The following KLC3 variants were observed in gnomAD, a reference collection of about 807,000 sequenced individuals.
KLC3 encodes kinesin light chain 2.
In KLC3, 72 loss-of-function variants were observed where a neutral mutation model predicts 62.9. The observed-to-expected ratio is 1.15, with a 90% CI of 0.95 to 1.39. The LOEUF is 1.39. Ranked by LOEUF, KLC3 falls within the 40% of genes most tolerant of loss-of-function variation. The pLI is 0.00. For synonymous variants in KLC3, 377 were observed against 300.5 expected (o/e 1.25, Z -2.63); for missense variants, 848 against 691.6 (o/e 1.23, Z -2.54).
In KLC3 at chr19:45,348,052, A is replaced by C. The variant is rs1380532612; in HGVS notation, c.671A>C (p.Glu224Ala). The C allele has an allele frequency of 6.2e-7, 1 of 1,604,120 alleles. No homozygotes were observed. The highest frequency in any genetic ancestry group is 8.5e-7 in the Non-Finnish European group (1 of 1,175,596). Residue 224 changes from glutamate (E) to alanine (A), a missense_variant, in exon 5 of 13, where the codon GAG (glutamate) becomes GCG (alanine). Glu to Ala is a moderately radical substitution (Grantham distance 107). Coordinates refer to ENST00000391946, the MANE Select transcript of KLC3 (RefSeq NM_177417.3). The part of the protein sequence containing the change: ...VIQYAGQGRY[E>A]VAVPLCRQAL... ...CAGTACGCGGGGCAGGGCCGCTATG[A>C]GGTGGCGGTGCCTCTGTGCCGCCAG...
At chr19:45,349,684 GCAAC>G in intron 8 of KLC3, 82 bp downstream of exon 8, 1 of 1,223,684 alleles carries the variant, frequency 8.2e-7, no homozygotes. Context: ...TACAGGGTGA[GCAAC>G]GTGAGGGTGG....
At chr19:45,347,799 C>T (rs1217106394) in intron 4 of KLC3, 142 bp from the exon 5 acceptor site, 1 of 726,258 alleles carries the variant, frequency 1.4e-6, no homozygotes, top group East Asian at 2.7e-5. Context: ...GCTAGTGACT[C>T]CTATCTCAGA....
Position 45,350,530 on chromosome 19 carries a change from C to T in KLC3, c.1251C>T (p.Gly417=), listed in dbSNP as rs771500038. The T allele has an allele frequency of 1.1e-5, 17 of 1,613,858 alleles. No individual in the cohort carries two copies. Among genetic ancestry groups the T allele is most frequent in the Middle Eastern group, 3.3e-4 (2 of 6,084 alleles). Residue 417 remains glycine, a synonymous_variant, in exon 10 of 13, where the codon GGC becomes GGT. Coordinates refer to ENST00000391946, the MANE Select transcript of KLC3 (RefSeq NM_177417.3). ...TCCCCCTAGGTGCCCCCAACACAGGCACAGCTGGTGACGCAGAACAGGTGA... is the reference window on the plus strand; with the variant it reads ...TCCCCCTAGGTGCCCCCAACACAGGTACAGCTGGTGACGCAGAACAGGTGA... ...LPAPLGAPNT[G]TAGDAEQALR...
chr19:45,341,578 T>TGTGTGTGCACGCGCGC, intron 1 of KLC3, among the ~76,000 whole-genome samples: 2 of 139,800 alleles, frequency 1.4e-5, no homozygotes, highest in Non-Finnish European at 3.1e-5. Flanking sequence ...TGTGTGTGTG[T>TGTGTGTGCACGCGCGC]GCGCGCGCGC....
At chr19:45,349,265 GT>G (rs1187379483) in intron 7 of KLC3, among the ~76,000 whole-genome samples, 163 bp from the exon 8 acceptor site, 7 of 151,968 alleles carry the variant, frequency 4.6e-5, no homozygotes, top group Non-Finnish European at 8.8e-5. Flanking sequence ...TCTGACCTTG[GT>G]AATCCCGTTA....
chr19:45,350,303 G>A (rs1971667880), intron 8 of KLC3, 38 bp from the exon 9 acceptor site: 3 of 1,530,320 alleles, frequency 2.0e-6, no homozygotes, highest in Non-Finnish European at 2.7e-6. Flanking sequence ...GTTGGGAACT[G>A]GGGTCCGAAA....
intron 2 of KLC3, 32 bp from the exon 3 acceptor site, chr19:45,346,512 C>G: frequency 6.7e-7 from 1 of 1,497,218 alleles, no homozygotes; most frequent in Non-Finnish European, 8.9e-7. Flanking sequence ...GGGCAGGAAC[C>G]AACCTCGACT....
intron 10 of KLC3, 43 bp from the exon 11 acceptor site, chr19:45,350,598 C>T (rs1568527518): frequency 6.2e-6 from 10 of 1,613,540 alleles, no homozygotes; most frequent in Non-Finnish European, 8.5e-6. Context: ...GTGGGGACTG[C>T]ATGGGCCTGG....
At chr19:45,350,072 C>G (rs1048716926) in intron 8 of KLC3, 14 of 494,556 alleles carry the variant, frequency 2.8e-5, no homozygotes, top group African/African-American at 1.2e-4. Flanking sequence ...AGCTCCAAAC[C>G]CACTCTGCCC....
chr19:45,346,874 T>C, intron 3 of KLC3, 100 bp downstream of exon 3: 1 of 1,160,118 alleles, frequency 8.6e-7, no homozygotes, highest in Non-Finnish European at 1.2e-6. Context: ...AGATCCTCCT[T>C]AGAATCCCAC....
rs1356642677 is a variant in KLC3, at chr19:45,350,976, A to C, written c.1402A>C (p.Asn468His). The C allele has an allele frequency of 6.2e-7, 1 of 1,614,094 alleles. No homozygotes were observed. The highest frequency in any genetic ancestry group is 8.5e-7 in the Non-Finnish European group (1 of 1,180,018). ...AAGMKRAMSL[N>H]TLNVDAPRAP... The stretch of plus-strand genomic sequence containing the variant: ...CAGAATGAAGAGAGCCATGTCACTC[A>C]ACACACTGAACGTGGATGCTCCAAG... The change falls in exon 12 of 13, where the codon AAC (asparagine) becomes CAC (histidine). Residue 468 changes from asparagine to histidine, a missense_variant. By Grantham distance (68) the Asn-to-His change is moderately conservative. Transcript: ENST00000391946.
Position 45,346,622 on chromosome 19 carries a change from G to A in KLC3, c.337G>A (p.Ala113Thr). The A allele has an allele frequency of 6.4e-7, 1 of 1,552,124 alleles. No individual in the cohort carries two copies. The highest frequency in any genetic ancestry group is 8.7e-7 in the Non-Finnish European group (1 of 1,148,002). Residue 113 changes from alanine (A) to threonine (T), a missense_variant, in exon 3 of 13, where the codon GCC (alanine) becomes ACC (threonine). Transcript: ENST00000391946. The part of the protein sequence containing the change: ...QRLRSQARRL[A>T]QENVWLREEL... ...GCTGCGCTCGCAGGCCCGGCGGCTGGCCCAGGAGAACGTGTGGCTGCGGGA... is the reference window on the plus strand; with the variant it reads ...GCTGCGCTCGCAGGCCCGGCGGCTGACCCAGGAGAACGTGTGGCTGCGGGA...
At position 45,350,447 on chromosome 19, in the gene KLC3, CT is replaced by C. The variant is rs768909208; in HGVS notation, c.1234+17del. 6.8e-6 allele frequency: 11 copies of C among 1,613,328 alleles called. No homozygotes were observed. Among genetic ancestry groups the C allele is most frequent in the East Asian group, 2.2e-5 (1 of 44,880 alleles). On this transcript the variant is annotated intron_variant, in intron 9 of 12. Coordinates refer to ENST00000391946, the MANE Select transcript of KLC3 (RefSeq NM_177417.3). ...GCCCCTCTCGGTGAGCCCCTAGCCC[CT>C]GTCTGTCTTCCCTCCTGGTGGCTTC...
intron 3 of KLC3, 149 bp from the exon 4 acceptor site, chr19:45,347,298 C>T: frequency 3.3e-6 from 2 of 604,924 alleles, no homozygotes; most frequent in South Asian, 2.0e-5. Flanking sequence ...GCCAAGATCG[C>T]ACCATTGCAC....
At chr19:45,344,276 C>T (rs866704965) in intron 1 of KLC3, among the ~76,000 whole-genome samples, 24 of 146,992 alleles carry the variant, frequency 1.6e-4, no homozygotes, top group African/African-American at 5.6e-4. Flanking sequence ...TGCAGTGGTG[C>T]GACCTTGGCT....
chr19:45,350,897 CGTGGA>C, intron 11 of KLC3, 52 bp from the exon 12 acceptor site: 1 of 1,584,832 alleles, frequency 6.3e-7, no homozygotes, highest in African/African-American at 1.3e-5. Flanking sequence ...AAAGGTCCCT[CGTGGA>C]GGGGGGCCAC....
At chr19:45,342,585 G>T (rs1349951798) in intron 1 of KLC3, among the ~76,000 whole-genome samples, 1 of 152,114 alleles carries the variant, frequency 6.6e-6, no homozygotes, top group Non-Finnish European at 1.5e-5. Flanking sequence ...GGCCAACATG[G>T]TGAAACCCCG....
intron 1 of KLC3, among the ~76,000 whole-genome samples, chr19:45,341,574 T>TGCGCGC (rs1202070798): frequency 7.2e-5 from 9 of 124,408 alleles, no homozygotes; most frequent in South Asian, 2.8e-4. Flanking sequence ...TGTGTGTGTG[T>TGCGCGC]GTGTGCGCGC....
chr19:45,347,373 T>G, intron 3 of KLC3, 74 bp from the exon 4 acceptor site: 7 of 1,023,324 alleles, frequency 6.8e-6, no homozygotes, highest in Non-Finnish European at 7.3e-6. Context: ...AACAAAAACC[T>G]GAGATAGAGC....
Sources: gnomAD v4.1 joint callset for allele counts (sites outside exome capture counted in the v4.1 genomes callset) on GRCh38, gnomAD v4.1.1 for gene constraint, MANE v1.5 for transcripts, NCBI Gene and HGNC (gene_info 2026-07-23, HGNC 2026-07-21) for gene names.